CNTNAP5: variants seen among roughly 807,000 people sequenced by gnomAD.
The protein encoded by CNTNAP5 is contactin associated protein family member 5, also known as contactin-associated protein-like 5.
CNTNAP5 carries 72 observed loss-of-function variants against 150.2 expected under a neutral mutation model. The ratio of observed to expected loss-of-function variants is 0.48; its 90% CI spans 0.40 to 0.58. The LOEUF (loss-of-function observed/expected upper bound fraction) is 0.58. Among genes scored for constraint, CNTNAP5 ranks in the 20% least tolerant of loss-of-function variants. The pLI is 0.00. For missense variants in CNTNAP5, 1,636 were observed against 1,626.2 expected (o/e 1.01, Z -0.10); for synonymous variants, 672 against 619.8 (o/e 1.08, Z -1.25).
chr2:124,161,460 A>G (rs1385059947), intron 1 of CNTNAP5, among the ~76,000 whole-genome samples: 1 of 152,184 alleles, frequency 6.6e-6, no homozygotes, highest in East Asian at 1.9e-4. Context: ...TGCAAACCCA[A>G]GCACTAACAG....
chr2:124,536,395 C>T (rs777535316), intron 10 of CNTNAP5, among the ~76,000 whole-genome samples: 6 of 152,126 alleles, frequency 3.9e-5, no homozygotes, highest in Admixed American at 6.6e-5. Flanking sequence ...AAGTCTCAGA[C>T]AGCAACCCAA....
chr2:124,160,498 T>A (rs1167279739), intron 1 of CNTNAP5, among the ~76,000 whole-genome samples: 9 of 146,278 alleles, frequency 6.2e-5, no homozygotes, highest in Non-Finnish European at 1.2e-4. Context: ...TTTAATCCTC[T>A]TCTCTCCAGT....
chr2:124,118,740 C>T (rs1683487545), intron 1 of CNTNAP5, among the ~76,000 whole-genome samples: 1 of 152,158 alleles, frequency 6.6e-6, no homozygotes, highest in South Asian at 2.1e-4. Flanking sequence ...TGCGAAGGCC[C>T]TCTGTGGGCT....
intron 19 of CNTNAP5, among the ~76,000 whole-genome samples, chr2:124,848,177 G>T (rs568675645): frequency 3.9e-5 from 6 of 151,976 alleles, no homozygotes; most frequent in African/African-American, 9.7e-5. Flanking sequence ...ACATCCTCTC[G>T]TTTCCCCAAA....
intron 3 of CNTNAP5, among the ~76,000 whole-genome samples, chr2:124,405,455 A>T (rs1219551950): frequency 6.6e-6 from 1 of 152,218 alleles, no homozygotes; most frequent in African/African-American, 2.4e-5. Flanking sequence ...GACTCCACTT[A>T]TATATGCAGG....
chr2:124,365,301 GCA>G (rs1690342856), intron 3 of CNTNAP5, among the ~76,000 whole-genome samples: 1 of 147,774 alleles, frequency 6.8e-6, no homozygotes, highest in South Asian at 2.1e-4. Flanking sequence ...TTGCAAGAGA[GCA>G]AGACTCTGTC....
intron 13 of CNTNAP5, among the ~76,000 whole-genome samples, chr2:124,677,895 A>T (rs965072973): frequency 1.3e-5 from 2 of 151,934 alleles, no homozygotes; most frequent in African/African-American, 4.8e-5. Context: ...TTAGTAAAGT[A>T]AGCAGAAAGG....
At chr2:124,244,624 A>G (rs563876053) in intron 3 of CNTNAP5, among the ~76,000 whole-genome samples, 1 of 152,254 alleles carries the variant, frequency 6.6e-6, no homozygotes, top group Non-Finnish European at 1.5e-5. Flanking sequence ...AAGTAAGTAC[A>G]GGGAGAAGTG....
At chr2:124,140,314 G>A (rs552479516) in intron 1 of CNTNAP5, among the ~76,000 whole-genome samples, 54 of 151,932 alleles carry the variant, frequency 3.6e-4, no homozygotes, top group African/African-American at 1.2e-3. Flanking sequence ...GCCTGCCTCT[G>A]TAGGCTCCAC....
At chr2:124,747,441 T>G in intron 14 of CNTNAP5, 56 bp downstream of exon 14, 1 of 1,588,274 alleles carries the variant, frequency 6.3e-7, no homozygotes, top group East Asian at 2.2e-5. Flanking sequence ...AATTGATGCA[T>G]AAAATTCCCC....
intron 13 of CNTNAP5, among the ~76,000 whole-genome samples, chr2:124,660,316 C>T (rs963181507): frequency 1.3e-5 from 2 of 151,986 alleles, no homozygotes; most frequent in Admixed American, 6.5e-5. Flanking sequence ...GGAGGTGATG[C>T]GTCATAGGAA....
chr2:124,482,904 A>T (rs1381431779), intron 7 of CNTNAP5, among the ~76,000 whole-genome samples: 1 of 152,174 alleles, frequency 6.6e-6, no homozygotes, highest in African/African-American at 2.4e-5. Context: ...CTTTTATGTG[A>T]GTGTTTCAAA....
chr2:124,226,252 C>T (rs962032450), intron 2 of CNTNAP5, among the ~76,000 whole-genome samples: 8 of 151,808 alleles, frequency 5.3e-5, no homozygotes, highest in African/African-American at 1.9e-4. Context: ...CTGTTTTCTC[C>T]ACCTCCTCAC....
chr2:124,436,499 G>T (rs1692534935), intron 5 of CNTNAP5, among the ~76,000 whole-genome samples: 1 of 152,124 alleles, frequency 6.6e-6, no homozygotes, highest in African/African-American at 2.4e-5. Flanking sequence ...GCAGAGTATG[G>T]ACATGAAAAC....
At chr2:124,258,569 T>C (rs1687370840) in intron 3 of CNTNAP5, among the ~76,000 whole-genome samples, 1 of 152,146 alleles carries the variant, frequency 6.6e-6, no homozygotes, top group Non-Finnish European at 1.5e-5. Context: ...ATACTGCATG[T>C]TTAAGAAAGT....
chr2:124,271,241 C>T (rs1286760532), intron 3 of CNTNAP5, among the ~76,000 whole-genome samples: 1 of 150,656 alleles, frequency 6.6e-6, no homozygotes, highest in South Asian at 2.1e-4. Flanking sequence ...GAGAGAAGCA[C>T]AGAATTTAAA....
chr2:124,220,682 C>T (rs1686282987), intron 1 of CNTNAP5, among the ~76,000 whole-genome samples: 1 of 152,058 alleles, frequency 6.6e-6, no homozygotes, highest in Admixed American at 6.6e-5. Context: ...CTGGTGAGAG[C>T]TCTCTTGTTG....
chr2:124,621,737 T>G (rs1173139913), intron 12 of CNTNAP5, among the ~76,000 whole-genome samples: 1 of 152,152 alleles, frequency 6.6e-6, no homozygotes, highest in African/African-American at 2.4e-5. Flanking sequence ...GGTCTGCCAG[T>G]GTAGGGGAAA....
intron 13 of CNTNAP5, among the ~76,000 whole-genome samples, chr2:124,725,413 C>T (rs1161614387): frequency 6.6e-6 from 1 of 151,542 alleles, no homozygotes; most frequent in African/African-American, 2.4e-5. Context: ...ATATCCATGA[C>T]CTCACATAGT....
Sources: allele counts gnomAD v4.1 joint callset (sites outside exome capture counted in the v4.1 genomes callset), GRCh38; gene constraint gnomAD v4.1.1; transcripts MANE v1.5; gene names NCBI Gene and HGNC (gene_info 2026-07-23, HGNC 2026-07-21).